The following ATRNL1 variants were observed in gnomAD, a reference collection of about 807,000 sequenced individuals.
The protein encoded by ATRNL1 is attractin-like protein 1.
A neutral mutation model predicts 182.7 loss-of-function variants in ATRNL1; 95 were observed. That is an observed-to-expected ratio of 0.52 (90% CI 0.44 to 0.62). The LOEUF (loss-of-function observed/expected upper bound fraction) is 0.62, where lower values mean the gene tolerates loss of function less well. Among genes scored for constraint, ATRNL1 ranks in the 20% least tolerant of loss-of-function variants. The pLI is 0.00. For missense variants in ATRNL1, 1,471 were observed against 1,679.5 expected (o/e 0.88, Z 2.17); for synonymous variants, 576 against 568.3 (o/e 1.01, Z -0.19).
intron 9 of ATRNL1, among the ~76,000 whole-genome samples, chr10:115,232,967 T>A (rs1204690641): frequency 3.3e-5 from 5 of 152,130 alleles, no homozygotes; most frequent in Non-Finnish European, 5.9e-5. Flanking sequence ...AATCCAGGTG[T>A]CAGCAGGGCC....
At chr10:115,389,540 G>GTATGTGTATA (rs1843870917) in intron 19 of ATRNL1, among the ~76,000 whole-genome samples, 1 of 44,490 alleles carries the variant, frequency 2.2e-5, no homozygotes, top group African/African-American at 7.6e-5. Context: ...ATGTGTATGT[G>GTATGTGTATA]TATATATATA....
intron 8 of ATRNL1, among the ~76,000 whole-genome samples, chr10:115,185,960 A>C (rs981792486): frequency 2.6e-5 from 4 of 152,054 alleles, no homozygotes; most frequent in African/African-American, 9.7e-5. Flanking sequence ...TTTGTGGACT[A>C]TACAGTCTCT....
intron 6 of ATRNL1, among the ~76,000 whole-genome samples, chr10:115,165,070 A>T (rs1209535004): frequency 4.6e-5 from 7 of 152,082 alleles, no homozygotes; most frequent in Non-Finnish European, 1.0e-4. Context: ...CATATATCAA[A>T]ATACCATGTG....
intron 10 of ATRNL1, among the ~76,000 whole-genome samples, chr10:115,261,773 A>T (rs1851402195): frequency 6.6e-6 from 1 of 152,124 alleles, no homozygotes; most frequent in Admixed American, 6.6e-5. Flanking sequence ...GTGCACCTAT[A>T]ATTCCAGAAA....
At chr10:115,156,298 A>G (rs1846515818) in intron 5 of ATRNL1, among the ~76,000 whole-genome samples, 1 of 152,164 alleles carries the variant, frequency 6.6e-6, no homozygotes, top group South Asian at 2.1e-4. Flanking sequence ...GAATGGCACC[A>G]AAGTTTTTGC....
At chr10:115,097,644 T>G (rs1369986426) in intron 1 of ATRNL1, among the ~76,000 whole-genome samples, 3 of 152,064 alleles carry the variant, frequency 2.0e-5, no homozygotes, top group African/African-American at 7.2e-5. Flanking sequence ...ATATGCATAT[T>G]GCCTGGCTTG....
chr10:115,255,197 T>A (rs1342341976), intron 10 of ATRNL1, among the ~76,000 whole-genome samples: 1 of 152,212 alleles, frequency 6.6e-6, no homozygotes, highest in East Asian at 1.9e-4. Flanking sequence ...TTGATGGGGA[T>A]GGCATTGAAT....
At chr10:115,192,275 T>C (rs534622341) in intron 8 of ATRNL1, among the ~76,000 whole-genome samples, 1 of 152,220 alleles carries the variant, frequency 6.6e-6, no homozygotes, top group South Asian at 2.1e-4. Flanking sequence ...TTTTCGTATA[T>C]GGTGAGAGGT....
chr10:115,557,585 C>A (rs1432212795), intron 26 of ATRNL1, among the ~76,000 whole-genome samples: 5 of 152,148 alleles, frequency 3.3e-5, no homozygotes, highest in Non-Finnish European at 7.4e-5. Flanking sequence ...ACTTAGAAAT[C>A]ATTGCTGACC....
chr10:115,728,128 GAA>G (rs3087144), intron 27 of ATRNL1, among the ~76,000 whole-genome samples: 39,127 of 112,704 alleles, frequency 0.35, 6,765 homozygotes, highest in South Asian at 0.43. Flanking sequence ...AAAAAAAAAA[GAA>G]AAAAAAAAAA....
At chr10:115,578,825 ATCTT>A (rs1854889205) in intron 26 of ATRNL1, among the ~76,000 whole-genome samples, 2 of 151,102 alleles carry the variant, frequency 1.3e-5, no homozygotes, top group South Asian at 4.2e-4. Flanking sequence ...GTTGTTTGAG[ATCTT>A]TCTTCTGTTT....
chr10:115,166,898 G>T (rs1170017855), intron 7 of ATRNL1, among the ~76,000 whole-genome samples: 1 of 151,604 alleles, frequency 6.6e-6, no homozygotes, highest in African/African-American at 2.4e-5. Context: ...TTTAATTTTA[G>T]TTTAATTTAA....
chr10:115,569,329 T>C (rs550112815), intron 26 of ATRNL1, among the ~76,000 whole-genome samples: 3 of 152,324 alleles, frequency 2.0e-5, no homozygotes, highest in African/African-American at 4.8e-5. Context: ...ACTTTGTACA[T>C]TGTTCATTTT....
chr10:115,135,607 T>C (rs1309019276), intron 5 of ATRNL1, among the ~76,000 whole-genome samples: 2 of 152,196 alleles, frequency 1.3e-5, no homozygotes, highest in African/African-American at 4.8e-5. Flanking sequence ...ATGGCCATAC[T>C]GCCCAAGGTA....
intron 10 of ATRNL1, among the ~76,000 whole-genome samples, chr10:115,257,116 G>C (rs1554907224): frequency 6.6e-6 from 1 of 152,142 alleles, no homozygotes; most frequent in East Asian, 1.9e-4. Context: ...TGTTGATTTG[G>C]GGTGGAGAGT....
chr10:115,539,028 G>A (rs978326733), intron 25 of ATRNL1, among the ~76,000 whole-genome samples: 19 of 152,220 alleles, frequency 1.2e-4, no homozygotes, highest in Non-Finnish European at 1.9e-4. Context: ...TGTGTAGTAG[G>A]GTATACCATC....
chr10:115,937,582 C>T (rs76136309), intron 28 of ATRNL1, among the ~76,000 whole-genome samples: 4 of 152,196 alleles, frequency 2.6e-5, no homozygotes, highest in African/African-American at 9.6e-5. Flanking sequence ...GTGGCCACAC[C>T]GAATGTTAAA....
At chr10:115,533,778 C>T (rs1324095162) in intron 25 of ATRNL1, among the ~76,000 whole-genome samples, 11 of 149,918 alleles carry the variant, frequency 7.3e-5, no homozygotes, top group Non-Finnish European at 1.2e-4. Flanking sequence ...GCTTTGAATG[C>T]GTCCCAGAGA....
chr10:115,763,326 A>C (rs532960552), intron 27 of ATRNL1, among the ~76,000 whole-genome samples: 1 of 152,350 alleles, frequency 6.6e-6, no homozygotes, highest in South Asian at 2.1e-4. Flanking sequence ...GGAGAGACAC[A>C]GATACTTGAC....
Sources: gnomAD v4.1 joint callset for allele counts (sites outside exome capture counted in the v4.1 genomes callset) on GRCh38, gnomAD v4.1.1 for gene constraint, MANE v1.5 for transcripts, NCBI Gene and HGNC (gene_info 2026-07-23, HGNC 2026-07-21) for gene names.